SLC15A1: variants seen among roughly 807,000 people sequenced by gnomAD.
SLC15A1 encodes the protein solute carrier family 15 member 1, also known as Caco-2 oligopeptide transporter.
In SLC15A1, 83 loss-of-function variants were observed where a neutral mutation model predicts 92.9. The observed-to-expected ratio is 0.89, with a 90% CI of 0.75 to 1.07. The LOEUF is 1.07. Ranked by LOEUF, SLC15A1 falls within the 50% of genes least tolerant of loss-of-function variation. The probability of loss-of-function intolerance (pLI) is 0.00; values close to 1 mark genes in which losing one functional copy is unlikely to be tolerated. For missense variants in SLC15A1, 857 were observed against 880.1 expected, an observed-to-expected ratio of 0.97 and a Z score of 0.33; for synonymous variants, 322 against 318.2, an observed-to-expected ratio of 1.01 and a Z score of -0.13.
At position 98,686,306 on chromosome 13, in the gene SLC15A1, G is replaced by A; in HGVS notation, c.1828-9C>T. 1.3e-6 allele frequency: 2 copies of A among 1,593,112 alleles called. No homozygotes were observed. The highest frequency in any genetic ancestry group is 1.7e-6 in the Non-Finnish European group (2 of 1,166,380). On this transcript the variant is annotated splice_polypyrimidine_tract_variant and intron_variant, in intron 21 of 22. Transcript: ENST00000376503. ...TTCATGTTGGAAGGAGCCTGAGGAA[G>A]CAAAGCAAAGTGAGTCCTGCTCCAG...
rs769548754 is a variant in SLC15A1, at chr13:98,708,729, G to T, written c.1106C>A (p.Ser369Tyr). The change falls in exon 15 of 23, where the codon TCC (serine) becomes TAC (tyrosine). Residue 369 changes from serine (S) to tyrosine (Y), a missense_variant. Coordinates refer to ENST00000376503, the MANE Select transcript of SLC15A1 (RefSeq NM_005073.4). ...KKMAVGMVLASMAFVVAAIVQ... is the reference protein window; with the variant it reads ...KKMAVGMVLAYMAFVVAAIVQ... ...GATGGCAGCCACCACAAAGGCCATG[G>T]AGGCCAGGACCATGCCAACTGCCAT... is the stretch of plus-strand genomic sequence containing the variant. 1 of 1,613,402 alleles carries T rather than the reference G, an allele frequency of 6.2e-7. No homozygotes were observed. The highest frequency in any genetic ancestry group is 2.2e-5 in the East Asian group (1 of 44,782).
At chr13:98,696,163 C>T (rs972895479) in intron 18 of SLC15A1, among the ~76,000 whole-genome samples, 3 of 151,574 alleles carry the variant, frequency 2.0e-5, no homozygotes, top group African/African-American at 7.3e-5. Context: ...ACTGTAATCC[C>T]AGCACTTTGG....
At chr13:98,698,039 G>A (rs772949945) in intron 18 of SLC15A1, among the ~76,000 whole-genome samples, 21 of 152,102 alleles carry the variant, frequency 1.4e-4, no homozygotes, top group Non-Finnish European at 4.4e-5. Flanking sequence ...TTAACAAGAG[G>A]CCAACTAGGT....
intron 16 of SLC15A1, among the ~76,000 whole-genome samples, chr13:98,705,049 A>G (rs1351929150): frequency 1.3e-5 from 2 of 151,830 alleles, no homozygotes; most frequent in Non-Finnish European, 2.9e-5. Flanking sequence ...AAATACAAAA[A>G]TTAGTTGGGT....
At chr13:98,708,619 A>G in intron 15 of SLC15A1, 67 bp downstream of exon 15, 5 of 1,384,234 alleles carry the variant, frequency 3.6e-6, no homozygotes, top group Non-Finnish European at 5.0e-6. Context: ...TGCTGAAGAA[A>G]GAAGATTCTG....
chr13:98,713,088 G>A (rs530609237), intron 9 of SLC15A1, among the ~76,000 whole-genome samples: 1 of 152,264 alleles, frequency 6.6e-6, no homozygotes, highest in African/African-American at 2.4e-5. Flanking sequence ...ACAAGGTCTT[G>A]CTCTGTCGCC....
At chr13:98,691,078 CT>C (rs1314011261) in intron 18 of SLC15A1, among the ~76,000 whole-genome samples, 2 of 152,150 alleles carry the variant, frequency 1.3e-5, no homozygotes, top group African/African-American at 4.8e-5. Context: ...GATTCTCACC[CT>C]GTTGCCCAGG....
chr13:98,736,339 T>C (rs2088393815), intron 1 of SLC15A1, among the ~76,000 whole-genome samples: 1 of 152,174 alleles, frequency 6.6e-6, no homozygotes, highest in Non-Finnish European at 1.5e-5. Flanking sequence ...CAAAAATTAA[T>C]TCAAGATGGA....
chr13:98,752,649 C>G lies in SLC15A1; in HGVS notation c.-51G>C, dbSNP rs970778965. 10 of 1,245,468 alleles carry G rather than the reference C, an allele frequency of 8.0e-6. No homozygotes were observed. The highest frequency in any genetic ancestry group is 1.6e-5 in the African/African-American group (1 of 64,368). 77.2% of individuals were successfully genotyped at this position (1,245,468 alleles called of 1,614,324 possible). A position where few individuals can be genotyped will look rare whatever the true frequency, so the allele number is the denominator to read the frequency against. ...ACCTGCCGGCGGGACGTGCTCCTGG[C>G]AGGTGCTACTCCTCCGACCTGACGT... On this transcript the variant is annotated 5_prime_UTR_variant, in exon 1 of 23. Transcript: ENST00000376503.
intron 1 of SLC15A1, among the ~76,000 whole-genome samples, chr13:98,750,817 C>T (rs1482239960): frequency 1.3e-5 from 2 of 151,110 alleles, no homozygotes; most frequent in Non-Finnish European, 3.0e-5. Flanking sequence ...GGTGGCACCA[C>T]GTTGGCTCAC....
chr13:98,746,790 C>A (rs2088496503), intron 1 of SLC15A1, among the ~76,000 whole-genome samples: 1 of 152,168 alleles, frequency 6.6e-6, no homozygotes, highest in South Asian at 2.1e-4. Flanking sequence ...GGACTCTAAA[C>A]CCTCTCTCCA....
chr13:98,750,682 G>T (rs1469493009), intron 1 of SLC15A1, among the ~76,000 whole-genome samples: 2 of 151,834 alleles, frequency 1.3e-5, no homozygotes, highest in Non-Finnish European at 2.9e-5. Context: ...TTCGCCAACT[G>T]CTTCAAGTGT....
rs9584902 is a variant in SLC15A1, at chr13:98,691,940, G to C, written c.1467-3363C>G. On this transcript the variant is annotated intron_variant, in intron 18 of 22. Transcript: ENST00000376503. ...AATACAAAATTAGCTGGACATGGTG[G>C]TGCATGCCTATAATCTCAGCTACTC... Among the ~76,000 whole-genome samples the C allele has an allele frequency of 1.1e-4, 16 of 152,030 alleles. 1 individual carries two copies. Among genetic ancestry groups the C allele is most frequent in the African/African-American group, 3.9e-4 (16 of 41,468 alleles).
Position 98,728,720 on chromosome 13 carries a change from C to T in SLC15A1, c.5-1861G>A, listed in dbSNP as rs185381126. ...TAGAGGCTGGGCGCGGTGGCTCACA[C>T]CTGTAATCCCAGCACTTTGGGAGGC... On this transcript the variant is annotated intron_variant, in intron 1 of 22. Coordinates refer to ENST00000376503, the MANE Select transcript of SLC15A1 (RefSeq NM_005073.4). 4.9e-4 allele frequency among the ~76,000 whole-genome samples: 75 copies of T among 152,018 alleles called. 1 individual carries two copies. Among genetic ancestry groups the T allele is most frequent in the Non-Finnish European group, 3.4e-4 (23 of 68,020 alleles).
chr13:98,695,065 A>G (rs1318358921), intron 18 of SLC15A1, among the ~76,000 whole-genome samples: 1 of 151,434 alleles, frequency 6.6e-6, no homozygotes, highest in Non-Finnish European at 1.5e-5. Flanking sequence ...CAATATGGCT[A>G]AATACTAAAA....
chr13:98,723,793 A>C (rs2088277524), intron 5 of SLC15A1, 119 bp downstream of exon 5: 7 of 1,402,364 alleles, frequency 5.0e-6, no homozygotes, highest in Non-Finnish European at 6.8e-6. Flanking sequence ...ATGCTGCCCA[A>C]GGGGGAGGAA....
intron 18 of SLC15A1, among the ~76,000 whole-genome samples, chr13:98,691,052 G>GC (rs2087971103): frequency 1.3e-5 from 2 of 149,998 alleles, no homozygotes; most frequent in African/African-American, 4.9e-5. Context: ...TTCCTTTTTT[G>GC]TTTTTTTTTG....
chr13:98,710,956 T>TA (rs1426337554), intron 11 of SLC15A1, among the ~76,000 whole-genome samples: 1 of 152,010 alleles, frequency 6.6e-6, no homozygotes, highest in Non-Finnish European at 1.5e-5. Flanking sequence ...TGTTAAGGGT[T>TA]ATTACAGTGA....
At chr13:98,729,664 G>A (rs1466255809) in intron 1 of SLC15A1, among the ~76,000 whole-genome samples, 3 of 152,178 alleles carry the variant, frequency 2.0e-5, no homozygotes, top group African/African-American at 7.2e-5. Flanking sequence ...GTTTCCCTCT[G>A]GGGCCCTTCC....
Sources: allele counts gnomAD v4.1 joint callset (sites outside exome capture counted in the v4.1 genomes callset), GRCh38; gene constraint gnomAD v4.1.1; transcripts MANE v1.5; gene names NCBI Gene and HGNC (gene_info 2026-07-23, HGNC 2026-07-21).